ANKRD11: variants seen among roughly 807,000 people sequenced by gnomAD.
The protein encoded by ANKRD11 is ankyrin repeat domain 11, also known as ankyrin repeat domain-containing protein 11.
In ANKRD11, 17 loss-of-function variants were observed where a neutral mutation model predicts 195.7. The observed-to-expected ratio is 0.09, with a 90% CI of 0.06 to 0.13. The LOEUF (loss-of-function observed/expected upper bound fraction) is 0.13. Among genes scored for constraint, ANKRD11 ranks in the 10% least tolerant of loss-of-function variants. The pLI is 1.00. For synonymous variants in ANKRD11, 1,953 were observed against 1,528.1 expected, an observed-to-expected ratio of 1.28 and a Z score of -6.49; for missense variants, 3,735 against 3,566.1, an observed-to-expected ratio of 1.05 and a Z score of -1.21.
chr16:89,282,806 G>A lies in ANKRD11; in HGVS notation c.3736C>T (p.His1246Tyr), dbSNP rs1170311302. ...QKLPEKAEKKHAAEDKAKSKH... is the reference protein window; with the variant it reads ...QKLPEKAEKKYAAEDKAKSKH... ...CTTTTAGCCTTGTCTTCGGCAGCGT[G>A]CTTCTTTTCAGCCTTCTCGGGGAGC... Residue 1246 changes from histidine (H) to tyrosine (Y), a missense_variant, in exon 9 of 13, where the codon CAC (histidine) becomes TAC (tyrosine). By Grantham distance (83) the His-to-Tyr change is moderately conservative (BLOSUM62 2). Transcript: ENST00000301030. The A allele has an allele frequency of 2.5e-6, 4 of 1,611,006 alleles. No homozygotes were observed. Among genetic ancestry groups the A allele is most frequent in the African/African-American group, 1.3e-5 (1 of 74,802 alleles).
chr16:89,278,902 C>T (rs1024820619), intron 9 of ANKRD11, 170 bp downstream of exon 9: 3 of 1,159,298 alleles, frequency 2.6e-6, no homozygotes, highest in Admixed American at 2.0e-5. Flanking sequence ...GGGCAGCTTC[C>T]GGCTTTTGCC....
At chr16:89,372,915 T>C (rs1236917124) in intron 2 of ANKRD11, 1 of 152,260 alleles carries the variant, frequency 6.6e-6, no homozygotes, top group African/African-American at 2.4e-5. Context: ...GGTGACCCAG[T>C]CCACCTCAGA....
At chr16:89,376,730 C>T (rs910032170) in intron 2 of ANKRD11, among the ~76,000 whole-genome samples, 6 of 152,306 alleles carry the variant, frequency 3.9e-5, no homozygotes, top group South Asian at 2.1e-4. Context: ...TGCGCCACCA[C>T]GCCTGGCCCT....
intron 2 of ANKRD11, among the ~76,000 whole-genome samples, chr16:89,349,889 C>A (rs1273052243): frequency 7.6e-6 from 1 of 130,904 alleles, no homozygotes; most frequent in Non-Finnish European, 1.6e-5. Flanking sequence ...CACACACACA[C>A]ACACACACAC....
intron 2 of ANKRD11, among the ~76,000 whole-genome samples, chr16:89,401,475 A>T (rs1287500470): frequency 6.6e-6 from 1 of 152,236 alleles, no homozygotes; most frequent in Non-Finnish European, 1.5e-5. Context: ...CCTTATATCC[A>T]GAGTAATCCT....
intron 1 of ANKRD11, among the ~76,000 whole-genome samples, chr16:89,487,277 G>C (rs2057650069): frequency 6.6e-6 from 1 of 152,184 alleles, no homozygotes; most frequent in Non-Finnish European, 1.5e-5. Context: ...CTTACGATTT[G>C]AGGATGAAGG....
chr16:89,440,356 C>G (rs2043396020), intron 1 of ANKRD11, among the ~76,000 whole-genome samples: 1 of 152,246 alleles, frequency 6.6e-6, no homozygotes, highest in South Asian at 2.1e-4. Flanking sequence ...GCCTGTAATC[C>G]CAGAACTCTG....
At chr16:89,310,745 C>T (rs746658617) in intron 3 of ANKRD11, among the ~76,000 whole-genome samples, 3 of 152,206 alleles carry the variant, frequency 2.0e-5, no homozygotes, top group Non-Finnish European at 2.9e-5. Context: ...CTATTATTTA[C>T]GAGTATTTAG....
chr16:89,283,480 T>G lies in ANKRD11; in HGVS notation c.3062A>C (p.Glu1021Ala), dbSNP rs2034426589. The stretch of plus-strand genomic sequence containing the variant: ...TTTGTATCTTTCTGGTTTTGTCTTC[T>G]CCTTCCTTTCCTTATCGGGGCCATC... ...KKDGPDKERK[E>A]KTKPERYKEK... is the part of the protein sequence containing the mutation. The change falls in exon 9 of 13, where the codon GAG (glutamate) becomes GCG (alanine). Residue 1021 changes from glutamate (E) to alanine (A), a missense_variant. Transcript: ENST00000301030. The surrounding 1 kb of genome is among the most constrained non-coding windows in gnomAD (Gnocchi z 4.3). 1.2e-6 allele frequency: 2 copies of G among 1,614,208 alleles called. No individual in the cohort carries two copies. The highest frequency in any genetic ancestry group is 1.7e-6 in the Non-Finnish European group (2 of 1,180,050).
chr16:89,374,288 A>G (rs2040322163), intron 2 of ANKRD11, among the ~76,000 whole-genome samples: 1 of 152,150 alleles, frequency 6.6e-6, no homozygotes, highest in Non-Finnish European at 1.5e-5. Flanking sequence ...CTTAAAAAAT[A>G]TTACTAGAGA....
chr16:89,485,045 G>A (rs777443646), intron 1 of ANKRD11, among the ~76,000 whole-genome samples: 18 of 150,148 alleles, frequency 1.2e-4, no homozygotes, highest in Admixed American at 2.0e-4. Flanking sequence ...CGGGTGTGGG[G>A]AAGCCCAGAA....
At chr16:89,398,499 T>C (rs1298202046) in intron 2 of ANKRD11, among the ~76,000 whole-genome samples, 1 of 152,168 alleles carries the variant, frequency 6.6e-6, no homozygotes, top group African/African-American at 2.4e-5. Context: ...TGAGGACTGC[T>C]TGAGCCCAGG....
intron 2 of ANKRD11, among the ~76,000 whole-genome samples, chr16:89,353,323 C>CCTCT (rs2039308420): frequency 6.7e-6 from 1 of 150,272 alleles, no homozygotes; most frequent in Non-Finnish European, 1.5e-5. Flanking sequence ...GCCTGGGTGA[C>CCTCT]AGAGTGAGAC....
At chr16:89,372,214 T>C (rs1275097343) in intron 2 of ANKRD11, among the ~76,000 whole-genome samples, 2 of 152,206 alleles carry the variant, frequency 1.3e-5, no homozygotes, top group Admixed American at 6.5e-5. Context: ...AGATGGATCC[T>C]GACACTCAGA....
chr16:89,466,728 C>A (rs1421349277), intron 1 of ANKRD11, among the ~76,000 whole-genome samples: 2 of 152,210 alleles, frequency 1.3e-5, no homozygotes, highest in Admixed American at 1.3e-4. Flanking sequence ...AGCTGTTGAA[C>A]TGTATTCCAC....
chr16:89,431,934 T>G (rs2042995672), intron 1 of ANKRD11, among the ~76,000 whole-genome samples: 1 of 151,914 alleles, frequency 6.6e-6, no homozygotes, highest in Non-Finnish European at 1.5e-5. Context: ...ACCAGCTGCC[T>G]CCTCCTCCCT....
rs2034179445 is a variant in ANKRD11 at position 89,280,971 on chromosome 16, G to A, written c.5571C>T (p.Leu1857=). 2.5e-6 allele frequency: 4 copies of A among 1,571,054 alleles called. No homozygotes were observed. Among genetic ancestry groups the A allele is most frequent in the Non-Finnish European group, 3.5e-6 (4 of 1,155,790 alleles). ...GCAAAGCGTCGACTTTGGGCGACGG[G>A]AGGCCATAGTCTGGGGAGTAGTACC... ...SPGYYSPDYG[L]PSPKVDALHC... is the part of the protein sequence containing the mutation. Residue 1857 remains leucine (L), a synonymous_variant, in exon 9 of 13, where the codon CTC becomes CTT. Transcript: ENST00000301030.
chr16:89,352,688 C>T (rs1363072552), intron 2 of ANKRD11, among the ~76,000 whole-genome samples: 2 of 152,226 alleles, frequency 1.3e-5, no homozygotes, highest in African/African-American at 4.8e-5. Flanking sequence ...CCCTTCTCCA[C>T]CCAATTCACC....
At chr16:89,290,601 C>T (rs749919978) in intron 6 of ANKRD11, 24 bp downstream of exon 6, 3 of 1,609,240 alleles carry the variant, frequency 1.9e-6, no homozygotes, top group South Asian at 2.2e-5. Flanking sequence ...GCTCTCTGGC[C>T]CTTGCCAGGC....
Sources: gnomAD v4.1 joint callset for allele counts (sites outside exome capture counted in the v4.1 genomes callset) on GRCh38, gnomAD v4.1.1 for gene constraint, Gnocchi (gnomAD v3.1) non-coding constraint, MANE v1.5 for transcripts, NCBI Gene and HGNC (gene_info 2026-07-23, HGNC 2026-07-21) for gene names.